Variants in DIAPH2 observed in about 807,000 individuals in gnomAD.
The protein encoded by DIAPH2 is protein diaphanous homolog 2.
A neutral mutation model predicts 92.7 loss-of-function variants in DIAPH2; 35 were observed. That is an observed-to-expected ratio of 0.38 (90% CI 0.29 to 0.50). The LOEUF (loss-of-function observed/expected upper bound fraction) is 0.50, where lower values mean the gene tolerates loss of function less well. Ranked by LOEUF, DIAPH2 falls within the 20% of genes least tolerant of loss-of-function variation. DIAPH2 has a pLI of 0.94. For missense variants in DIAPH2, 701 were observed against 819.5 expected (o/e 0.86, Z 1.77); for synonymous variants, 301 against 280.4 (o/e 1.07, Z -0.73).
At chrX:97,533,655 G>T (rs2071076040) in intron 26 of DIAPH2, among the ~76,000 whole-genome samples, 1 of 110,564 alleles carries the variant, frequency 9.0e-6, no homozygotes, top group South Asian at 3.9e-4. Context: ...CATTTTATAG[G>T]TATTATTTTC....
intron 26 of DIAPH2, among the ~76,000 whole-genome samples, chrX:97,455,712 A>G (rs1163493920): frequency 8.9e-6 from 1 of 112,394 alleles, no homozygotes; most frequent in African/African-American, 3.2e-5. Context: ...TAGTAAAAAT[A>G]AATTCACTGC....
chrX:97,299,490 A>G (rs768647363), intron 23 of DIAPH2, among the ~76,000 whole-genome samples: 3 of 111,915 alleles, frequency 2.7e-5, no homozygotes, highest in Admixed American at 9.6e-5. Flanking sequence ...GAAGACCTCA[A>G]TCATAGATTC....
At position 97,290,054 on chromosome X, in the gene DIAPH2, C is replaced by T. The variant is rs1035336214; in HGVS notation, c.2844+42215C>T. ...CCTCATCCCTTCCACTCTTATTTTCCTTCCCTTGGCAGTAATTTAAATATA... is the reference window on the plus strand; with the variant it reads ...CCTCATCCCTTCCACTCTTATTTTCTTTCCCTTGGCAGTAATTTAAATATA... On this transcript the variant is annotated intron_variant, in intron 23 of 26. Transcript: ENST00000324765. 1.0e-4 allele frequency among the ~76,000 whole-genome samples: 10 copies of T among 97,242 alleles called. No individual in the cohort carries two copies. In the Admixed American group the frequency reaches 1.2e-3, roughly 12 times the overall value. 84.4% of individuals were successfully genotyped at this position (97,242 alleles called of 115,157 possible).
chrX:97,147,620 G>A (rs923726456), intron 22 of DIAPH2, among the ~76,000 whole-genome samples: 1 of 110,769 alleles, frequency 9.0e-6, no homozygotes, highest in African/African-American at 3.3e-5. Context: ...TTCAAAAGGG[G>A]GAAATTATAT....
intron 4 of DIAPH2, among the ~76,000 whole-genome samples, chrX:96,774,002 A>G (rs1159948230): frequency 8.9e-6 from 1 of 112,233 alleles, no homozygotes; most frequent in Non-Finnish European, 1.9e-5. Flanking sequence ...TGTAACAGTC[A>G]TTTTGTTGTA....
intron 26 of DIAPH2, among the ~76,000 whole-genome samples, chrX:97,433,631 A>G (rs1471003137): frequency 8.9e-6 from 1 of 112,471 alleles, no homozygotes; most frequent in Non-Finnish European, 1.9e-5. Context: ...CTGAATATTA[A>G]CCCAGATCAC....
intron 1 of DIAPH2, among the ~76,000 whole-genome samples, chrX:96,702,797 C>A (rs1256724116): frequency 9.0e-6 from 1 of 111,618 alleles, no homozygotes; most frequent in African/African-American, 3.3e-5. Flanking sequence ...GGCCCTCTTC[C>A]GAGTTGCAAA....
At chrX:96,745,132 G>A (rs1286868218) in intron 3 of DIAPH2, among the ~76,000 whole-genome samples, 4 of 108,533 alleles carry the variant, frequency 3.7e-5, no homozygotes, top group Non-Finnish European at 7.6e-5. Flanking sequence ...TCAGCCTCCC[G>A]AGTAGGTGGG....
At chrX:97,089,231 C>T (rs188225501) in intron 19 of DIAPH2, among the ~76,000 whole-genome samples, 11 of 111,636 alleles carry the variant, frequency 9.9e-5, no homozygotes, top group Admixed American at 6.7e-4. Context: ...CCCTTTGGAC[C>T]GGAGGTGTCA....
chrX:97,443,717 C>T (rs762502961), intron 26 of DIAPH2, among the ~76,000 whole-genome samples: 1 of 111,605 alleles, frequency 9.0e-6, no homozygotes, highest in Non-Finnish European at 1.9e-5. Flanking sequence ...AAGAAAAATG[C>T]CGACTTTATA....
intron 26 of DIAPH2, among the ~76,000 whole-genome samples, chrX:97,524,991 ACT>A (rs1415380005): frequency 8.9e-6 from 1 of 111,954 alleles, no homozygotes; most frequent in Non-Finnish European, 1.9e-5. Context: ...CAAAATCTTA[ACT>A]CTGCTTTTTC....
chrX:97,491,803 T>A (rs2070727438), intron 26 of DIAPH2, among the ~76,000 whole-genome samples: 1 of 112,325 alleles, frequency 8.9e-6, no homozygotes, highest in Non-Finnish European at 1.9e-5. Flanking sequence ...TCTCTTGCTA[T>A]CTTCTTTTGT....
intron 26 of DIAPH2, among the ~76,000 whole-genome samples, chrX:97,476,812 C>T (rs1354139645): frequency 9.6e-6 from 1 of 104,673 alleles, no homozygotes; most frequent in Non-Finnish European, 1.9e-5. Context: ...GGTGTGGTGG[C>T]ACATGCCTGT....
chrX:96,744,229 T>C (rs1017972197), intron 3 of DIAPH2, among the ~76,000 whole-genome samples: 3 of 112,206 alleles, frequency 2.7e-5, no homozygotes, highest in South Asian at 3.7e-4. Context: ...TGTATACTTA[T>C]GCCTAAGGCA....
chrX:97,160,797 A>G (rs992857222), intron 22 of DIAPH2, among the ~76,000 whole-genome samples: 1 of 111,842 alleles, frequency 8.9e-6, no homozygotes, highest in Admixed American at 9.5e-5. Context: ...TGATTCCAAA[A>G]ATAGATTAAA....
intron 26 of DIAPH2, among the ~76,000 whole-genome samples, chrX:97,435,211 A>C (rs1358498089): frequency 1.8e-5 from 2 of 111,967 alleles, no homozygotes; most frequent in Non-Finnish European, 3.8e-5. Context: ...AACTGGGAAG[A>C]GAATACAGAG....
At chrX:97,018,526 G>C (rs1435748032) in intron 17 of DIAPH2, among the ~76,000 whole-genome samples, 1 of 111,997 alleles carries the variant, frequency 8.9e-6, no homozygotes, top group Non-Finnish European at 1.9e-5. Context: ...GATTTTAATA[G>C]AGGAAATTAG....
intron 22 of DIAPH2, among the ~76,000 whole-genome samples, chrX:97,185,414 T>C (rs866202426): frequency 1.8e-5 from 1 of 56,360 alleles, no homozygotes; most frequent in African/African-American, 9.0e-5. Flanking sequence ...TATATATGTA[T>C]ATATATATGT....
chrX:97,241,316 C>T (rs79904376), intron 22 of DIAPH2, among the ~76,000 whole-genome samples: 2 of 108,416 alleles, frequency 1.8e-5, no homozygotes, highest in African/African-American at 3.4e-5. Flanking sequence ...TTTTTTTTCC[C>T]GAGACGGAGT....
Sources: gnomAD v4.1 joint callset for allele counts (sites outside exome capture counted in the v4.1 genomes callset) on GRCh38, gnomAD v4.1.1 for gene constraint, MANE v1.5 for transcripts, NCBI Gene and HGNC (gene_info 2026-07-23, HGNC 2026-07-21) for gene names.